Variants in WDR17 observed in about 807,000 individuals in gnomAD.
WDR17 encodes the protein WD repeat domain 17, also known as WD repeat-containing protein 17.
A neutral mutation model predicts 161.7 loss-of-function variants in WDR17; 143 were observed. The ratio of observed to expected loss-of-function variants is 0.88; its 90% CI spans 0.77 to 1.02. WDR17 has a LOEUF of 1.02. WDR17 is among the 50% of genes least tolerant of loss of function. WDR17 has a pLI of 0.00. For missense variants in WDR17, 1,469 were observed against 1,520.9 expected, an observed-to-expected ratio of 0.97 and a Z score of 0.57; for synonymous variants, 517 against 515.6, an observed-to-expected ratio of 1.00 and a Z score of -0.04.
intron 18 of WDR17, among the ~76,000 whole-genome samples, chr4:176,159,330 G>A (rs944443228): frequency 1.3e-5 from 2 of 150,604 alleles, no homozygotes; most frequent in African/African-American, 4.9e-5. Flanking sequence ...GAGAGAGAGA[G>A]AGAGAAAGGG....
intron 15 of WDR17, 134 bp downstream of exon 15, chr4:176,150,307 A>G: frequency 6.8e-7 from 1 of 1,461,928 alleles, no homozygotes; most frequent in East Asian, 2.3e-5. Context: ...GTGCACTATA[A>G]GAAAGCAAAT....
At chr4:176,133,540 C>A (rs1743901278) in intron 7 of WDR17, among the ~76,000 whole-genome samples, 1 of 151,246 alleles carries the variant, frequency 6.6e-6, no homozygotes, top group Non-Finnish European at 1.5e-5. Flanking sequence ...ATACTAAAAG[C>A]CGCTTGATTA....
Position 176,129,003 on chromosome 4 carries a change from G to T in WDR17, c.913+143G>T, listed in dbSNP as rs193166752. The T allele has an allele frequency of 3.2e-3, 2,122 of 670,052 alleles. 3 individuals carry two copies. The highest frequency in any genetic ancestry group is 3.7e-3 in the Non-Finnish European group (1,629 of 443,458). The allele number at this position is 670,052 out of a possible 1,614,324, so 41.5% of individuals were successfully genotyped here. A position where few individuals can be genotyped will look rare whatever the true frequency, so the allele number is the denominator to read the frequency against. ...GGCTTTGACAATATATGTGCTCAAG[G>T]ATCCATCAAAGCTACACAAGATCTA... On this transcript the variant is annotated intron_variant, in intron 6 of 28. Coordinates refer to ENST00000508596, the MANE Select transcript of WDR17 (RefSeq NM_181265.4).
chr4:176,139,849 G>A, intron 9 of WDR17, 43 bp from the exon 10 acceptor site: 2 of 1,468,022 alleles, frequency 1.4e-6, no homozygotes, highest in Non-Finnish European at 1.9e-6. Context: ...AGAAAAAAGG[G>A]GTGAATTATT....
At chr4:176,168,596 CCTT>C in intron 22 of WDR17, 73 bp from the exon 23 acceptor site, 1 of 1,554,294 alleles carries the variant, frequency 6.4e-7, no homozygotes, top group South Asian at 1.2e-5. Context: ...TATGAATTGC[CCTT>C]CTTTGAGATA....
At chr4:176,162,273 G>C in intron 21 of WDR17, 99 bp downstream of exon 21, 1 of 1,033,050 alleles carries the variant, frequency 9.7e-7, no homozygotes, top group South Asian at 1.6e-5. Flanking sequence ...GTGAGATCTG[G>C]TTTTGCATGT....
intron 13 of WDR17, 74 bp downstream of exon 13, chr4:176,148,409 C>G (rs888321462): frequency 1.5e-6 from 2 of 1,348,176 alleles, no homozygotes; most frequent in African/African-American, 1.5e-5. Flanking sequence ...CTGAGGAATA[C>G]AGTATTTTTG....
chr4:176,172,460 A>G lies in WDR17; in HGVS notation c.3188A>G (p.Tyr1063Cys). ...DDNIFETVKY[Y>C]LLSQEPEKAL... ...AATATATTTGAAACTGTAAAATATTACTTGTTAAGTCAAGAACCTGAAAAA... is the reference window on the plus strand; with the variant it reads ...AATATATTTGAAACTGTAAAATATTGCTTGTTAAGTCAAGAACCTGAAAAA... The change falls in exon 24 of 29, where the codon TAC becomes TGC. Residue 1063 changes from tyrosine to cysteine, a missense_variant. By Grantham distance (194) the Tyr-to-Cys change is radical. Coordinates refer to ENST00000508596, the MANE Select transcript of WDR17 (RefSeq NM_181265.4). 6.2e-7 allele frequency: 1 copy of G among 1,611,018 alleles called. No individual in the cohort carries two copies. Among genetic ancestry groups the G allele is most frequent in the Non-Finnish European group, 8.5e-7 (1 of 1,179,106 alleles).
intron 1 of WDR17, among the ~76,000 whole-genome samples, chr4:176,097,622 A>G (rs930852938): frequency 4.6e-5 from 7 of 151,774 alleles, no homozygotes; most frequent in Non-Finnish European, 5.9e-5. Flanking sequence ...AGGAGTTGAG[A>G]GTTAATGAGC....
At chr4:176,168,879 A>C in intron 23 of WDR17, 96 bp downstream of exon 23, 1 of 1,407,494 alleles carries the variant, frequency 7.1e-7, no homozygotes, top group Non-Finnish European at 9.6e-7. Context: ...CAGAGAAACA[A>C]ATGTGTGGTC....
chr4:176,146,482 G>C (rs80067990), intron 12 of WDR17, among the ~76,000 whole-genome samples: 9 of 152,190 alleles, frequency 5.9e-5, no homozygotes, highest in Non-Finnish European at 1.2e-4. Context: ...CTTGAAATAA[G>C]TCAGAATGGT....
At chr4:176,161,836 C>G (rs1257129114) in intron 20 of WDR17, among the ~76,000 whole-genome samples, 1 of 152,152 alleles carries the variant, frequency 6.6e-6, no homozygotes, top group Non-Finnish European at 1.5e-5. Flanking sequence ...GAATGGTAAG[C>G]TTTTAAAATC....
chr4:176,134,153 GA>G lies in WDR17; in HGVS notation c.1099-952del, dbSNP rs369589189. 4.5e-3 allele frequency among the ~76,000 whole-genome samples: 688 copies of G among 151,712 alleles called. 5 individuals carry two copies. Among genetic ancestry groups the G allele is most frequent in the African/African-American group, 0.016 (661 of 41,490 alleles). ...CTTTCCTTTACCTCCACCTAAAGGA[GA>G]AACTTTACGAGTACTTTTGTAGTTT... On this transcript the variant is annotated intron_variant, in intron 7 of 28. Transcript: ENST00000508596.
Position 176,076,214 on chromosome 4 carries a change from AATATATATATATATATATATAT to A in WDR17, c.-7+10155_-7+10176del, listed in dbSNP as rs1219401869. Among the ~76,000 whole-genome samples, 6 of 62,268 alleles carry A rather than the reference AATATATATATATATATATATAT, an allele frequency of 9.6e-5. No homozygotes were observed. In the South Asian group the frequency reaches 1.8e-3, roughly 18 times the overall value. The allele number at this position is 62,268 out of a possible 152,430, so 40.9% of individuals were successfully genotyped here. On this transcript the variant is annotated intron_variant, in intron 1 of 28. Coordinates refer to ENST00000508596, the MANE Select transcript of WDR17 (RefSeq NM_181265.4). ...TAGTTAACTGTATGTTTACATATAT[AATATATATATATATATATATAT>A]ATATATATATATATATATACACACA...
chr4:176,141,498 C>T (rs921075357), intron 10 of WDR17, among the ~76,000 whole-genome samples: 1 of 152,152 alleles, frequency 6.6e-6, no homozygotes, highest in African/African-American at 2.4e-5. Context: ...GGTGCAATCC[C>T]AGCTCACTGC....
intron 15 of WDR17, 90 bp downstream of exon 15, chr4:176,150,263 A>G: frequency 6.5e-7 from 1 of 1,535,402 alleles, no homozygotes; most frequent in South Asian, 1.3e-5. Context: ...TACATGTACC[A>G]TTCTAATTCA....
intron 1 of WDR17, among the ~76,000 whole-genome samples, chr4:176,070,116 G>C (rs957907227): frequency 2.6e-5 from 4 of 152,094 alleles, no homozygotes; most frequent in Admixed American, 6.5e-5. Flanking sequence ...GGAAAAGCTG[G>C]CTTATGTTCT....
intron 3 of WDR17, 142 bp from the exon 4 acceptor site, chr4:176,119,725 T>G: frequency 1.3e-6 from 1 of 767,122 alleles, no homozygotes; most frequent in South Asian, 2.0e-5. Flanking sequence ...TGGGATTTCT[T>G]TATAAATCCA....
At chr4:176,166,237 T>A (rs1258187127) in intron 22 of WDR17, 1 of 381,072 alleles carries the variant, frequency 2.6e-6, no homozygotes, top group East Asian at 5.1e-5. Context: ...TTAAGAAATA[T>A]TTATCAACTA....
Sources: gnomAD v4.1 joint callset for allele counts (sites outside exome capture counted in the v4.1 genomes callset) on GRCh38, gnomAD v4.1.1 for gene constraint, MANE v1.5 for transcripts, NCBI Gene and HGNC (gene_info 2026-07-23, HGNC 2026-07-21) for gene names.